DAB1: variants seen among roughly 807,000 people sequenced by gnomAD.
The protein encoded by DAB1 is DAB adaptor protein 1, also known as disabled homolog 1.
A neutral mutation model predicts 64.6 loss-of-function variants in DAB1; 15 were observed. The observed-to-expected ratio is 0.23, with a 90% CI of 0.16 to 0.36. DAB1 has a LOEUF of 0.36. DAB1 is among the 10% of genes least tolerant of loss of function. The pLI is 1.00. For missense variants in DAB1, 596 were observed against 706.7 expected (o/e 0.84, Z 1.78); for synonymous variants, 235 against 251.9 (o/e 0.93, Z 0.64).
intron 5 of DAB1, among the ~76,000 whole-genome samples, chr1:58,128,279 A>G (rs1653273929): frequency 6.6e-6 from 1 of 151,046 alleles, no homozygotes; most frequent in African/African-American, 2.4e-5. Context: ...TTGGTGTATA[A>G]GAATGCCTGT....
intron 1 of DAB1, among the ~76,000 whole-genome samples, chr1:57,335,980 A>G (rs1407230602): frequency 6.6e-6 from 1 of 152,244 alleles, no homozygotes; most frequent in African/African-American, 2.4e-5. Flanking sequence ...CTGCAAGTAG[A>G]AAAACCAAAA....
chr1:57,955,469 A>T (rs1189379409), intron 5 of DAB1, among the ~76,000 whole-genome samples: 1 of 152,142 alleles, frequency 6.6e-6, no homozygotes, highest in Non-Finnish European at 1.5e-5. Flanking sequence ...AAAACAGTAC[A>T]TTTAGATTTT....
intron 5 of DAB1, among the ~76,000 whole-genome samples, chr1:58,125,510 C>G (rs534190710): frequency 1.3e-5 from 2 of 151,142 alleles, no homozygotes; most frequent in East Asian, 3.9e-4. Flanking sequence ...TTTGCAATCA[C>G]AGCTCATTGC....
intron 2 of DAB1, among the ~76,000 whole-genome samples, chr1:57,191,490 A>G (rs1399062201): frequency 6.6e-6 from 1 of 152,058 alleles, no homozygotes; most frequent in Non-Finnish European, 1.5e-5. Context: ...ATGGCCTCTT[A>G]GATTCTGTCA....
intron 4 of DAB1, among the ~76,000 whole-genome samples, chr1:58,341,063 CTAA>C (rs1227293189): frequency 2.0e-5 from 3 of 152,224 alleles, no homozygotes; most frequent in Admixed American, 6.5e-5. Context: ...GTGGACCCAG[CTAA>C]TGTTAGTGTA....
chr1:57,815,315 G>C (rs991169004), intron 6 of DAB1, among the ~76,000 whole-genome samples: 1 of 151,962 alleles, frequency 6.6e-6, no homozygotes, highest in Non-Finnish European at 1.5e-5. Flanking sequence ...TGATCTGCCC[G>C]CCTCAGCCTC....
At chr1:57,861,753 A>G (rs1654045589) in intron 1 of DAB1, among the ~76,000 whole-genome samples, 1 of 148,956 alleles carries the variant, frequency 6.7e-6, no homozygotes, top group African/African-American at 2.4e-5. Context: ...AGTATTATAT[A>G]TAACATAGTA....
At chr1:57,041,036 A>G (rs1342377896) in intron 9 of DAB1, among the ~76,000 whole-genome samples, 1 of 152,162 alleles carries the variant, frequency 6.6e-6, no homozygotes, top group African/African-American at 2.4e-5. Context: ...GAAATCAAGC[A>G]AGAGTAGCAC....
At chr1:57,483,933 A>G (rs1644057018) in intron 7 of DAB1, among the ~76,000 whole-genome samples, 1 of 152,186 alleles carries the variant, frequency 6.6e-6, no homozygotes, top group African/African-American at 2.4e-5. Context: ...AAAATGAGCA[A>G]TTAATAGGAA....
intron 4 of DAB1, among the ~76,000 whole-genome samples, chr1:58,198,610 A>G (rs571666315): frequency 6.6e-6 from 1 of 152,288 alleles, no homozygotes; most frequent in African/African-American, 2.4e-5. Context: ...TCAGTCATCT[A>G]TTTCTGATAG....
chr1:57,660,922 T>G (rs12085345), intron 6 of DAB1, among the ~76,000 whole-genome samples: 31,541 of 152,136 alleles, frequency 0.21, 3,822 homozygotes, highest in East Asian at 0.62. Context: ...TACTCCCTAG[T>G]AAACTTTCCA....
At chr1:57,322,495 T>C (rs148530379) in intron 1 of DAB1, among the ~76,000 whole-genome samples, 11 of 152,238 alleles carry the variant, frequency 7.2e-5, no homozygotes, top group African/African-American at 2.6e-4. Context: ...CCGTAGACTT[T>C]GACTTTGGCC....
At chr1:57,694,680 T>C (rs754807648) in intron 6 of DAB1, among the ~76,000 whole-genome samples, 211 of 152,252 alleles carry the variant, frequency 1.4e-3, no homozygotes, top group Non-Finnish European at 7.2e-4. Flanking sequence ...TTTAATCAGA[T>C]AAAAATATAT....
chr1:57,515,430 C>T (rs1644452751), intron 7 of DAB1, among the ~76,000 whole-genome samples: 1 of 152,172 alleles, frequency 6.6e-6, no homozygotes, highest in Admixed American at 6.6e-5. Flanking sequence ...AACCTCAGAG[C>T]AACACATAAT....
At chr1:57,455,391 G>A (rs1240705969) in intron 7 of DAB1, among the ~76,000 whole-genome samples, 1 of 152,122 alleles carries the variant, frequency 6.6e-6, no homozygotes. Flanking sequence ...AACAGCATCA[G>A]AATCTAAACT....
intron 4 of DAB1, among the ~76,000 whole-genome samples, chr1:58,222,806 T>C (rs773034976): frequency 1.1e-4 from 17 of 152,246 alleles, no homozygotes; most frequent in Non-Finnish European, 1.6e-4. Context: ...AGTTATTATG[T>C]GGTAGACTTC....
intron 3 of DAB1, among the ~76,000 whole-genome samples, chr1:58,381,107 A>G (rs1009141271): frequency 6.6e-6 from 1 of 152,174 alleles, no homozygotes; most frequent in Non-Finnish European, 1.5e-5. Context: ...GAGCACATGC[A>G]CACATGGAGG....
chr1:57,105,664 T>A (rs761932523), intron 4 of DAB1, among the ~76,000 whole-genome samples: 4 of 152,196 alleles, frequency 2.6e-5, no homozygotes, highest in Non-Finnish European at 5.9e-5. Flanking sequence ...GTCTTTTTTC[T>A]TCTTCCTCTA....
chr1:57,707,223 G>A (rs1646978440), intron 6 of DAB1, among the ~76,000 whole-genome samples: 1 of 151,860 alleles, frequency 6.6e-6, no homozygotes, highest in Non-Finnish European at 1.5e-5. Flanking sequence ...CTATAATTTT[G>A]TCATTTTGAG....
Sources: allele counts gnomAD v4.1 joint callset (sites outside exome capture counted in the v4.1 genomes callset), GRCh38; gene constraint gnomAD v4.1.1; transcripts MANE v1.5; gene names NCBI Gene and HGNC (gene_info 2026-07-23, HGNC 2026-07-21).